KLRG1: variants seen among roughly 807,000 people sequenced by gnomAD.
KLRG1 encodes killer cell lectin like receptor G1.
In KLRG1, 16 loss-of-function variants were observed where a neutral mutation model predicts 21.8. The ratio of observed to expected loss-of-function variants is 0.73; its 90% CI spans 0.50 to 1.11. KLRG1 has a LOEUF of 1.11. Among genes scored for constraint, KLRG1 ranks in the 50% most tolerant of loss-of-function variants. KLRG1 has a pLI of 0.00. For missense variants in KLRG1, 173 were observed against 218.3 expected (o/e 0.79, Z 1.31); for synonymous variants, 69 against 75.9 (o/e 0.91, Z 0.47).
the KLRG1 span, chr12:9,079,822 A>G: frequency 6.3e-7 from 1 of 1,579,462 alleles, no homozygotes; most frequent in Non-Finnish European, 8.6e-7. Flanking sequence ...TCTCCTAGAG[A>G]ATGGGAGAGA....
the KLRG1 span, chr12:9,101,653 G>A: frequency 6.2e-7 from 1 of 1,613,644 alleles, no homozygotes; most frequent in Non-Finnish European, 8.5e-7. Context: ...CCGTAACAGG[G>A]ACTACGATCC....
the KLRG1 span, chr12:9,192,673 G>A: frequency 6.2e-7 from 1 of 1,613,916 alleles, no homozygotes; most frequent in Non-Finnish European, 8.5e-7. Flanking sequence ...GCAGTGTGCT[G>A]AGCACCCTGG....
the KLRG1 span, chr12:9,196,506 G>C: frequency 6.4e-7 from 1 of 1,569,688 alleles, no homozygotes; most frequent in Non-Finnish European, 8.8e-7. Context: ...TCTTACAAAT[G>C]ACCTTTATTT....
chr12:9,171,441 A>G, the KLRG1 span, among the ~76,000 whole-genome samples: 3 of 152,252 alleles, frequency 2.0e-5, no homozygotes, highest in Non-Finnish European at 2.9e-5. Context: ...AAAATGCCAG[A>G]GTGTCTCTTC....
At chr12:9,194,106 T>G in the KLRG1 span, 9 of 1,613,800 alleles carry the variant, frequency 5.6e-6, no homozygotes, top group African/African-American at 1.2e-4. Context: ...ACCGAGATAC[T>G]GGTAGTATTG....
chr12:9,130,022 T>C, the KLRG1 span, among the ~76,000 whole-genome samples: 3 of 152,236 alleles, frequency 2.0e-5, no homozygotes, highest in Admixed American at 2.0e-4. Context: ...CTTCTTTCTG[T>C]TTTTATGAAT....
the KLRG1 span, chr12:9,169,543 C>T: frequency 6.2e-7 from 1 of 1,613,006 alleles, no homozygotes; most frequent in Non-Finnish European, 8.5e-7. Flanking sequence ...TGCTGGTCCA[C>T]ATTGTCAGGA....
chr12:9,065,460 C>T, the KLRG1 span, among the ~76,000 whole-genome samples: 10 of 152,202 alleles, frequency 6.6e-5, no homozygotes, highest in Admixed American at 5.2e-4. Flanking sequence ...AGCCTGGGTA[C>T]TGTCACAGCC....
At chr12:9,017,213 G>A in the KLRG1 span, among the ~76,000 whole-genome samples, 2 of 123,946 alleles carry the variant, frequency 1.6e-5, no homozygotes, top group East Asian at 5.2e-4. Context: ...GCAGTGAGCC[G>A]AGATCATGCC....
At chr12:9,023,390 G>GT in the KLRG1 span, among the ~76,000 whole-genome samples, 3 of 151,672 alleles carry the variant, frequency 2.0e-5, no homozygotes, top group Admixed American at 6.6e-5. Flanking sequence ...AGATTTTGGT[G>GT]TTTTTTTTCC....
chr12:9,094,217 TAAAG>T, the KLRG1 span, among the ~76,000 whole-genome samples: 1 of 151,826 alleles, frequency 6.6e-6, no homozygotes, highest in Non-Finnish European at 1.5e-5. Flanking sequence ...TTAATAATAA[TAAAG>T]ACTTTTTATT....
the KLRG1 span, among the ~76,000 whole-genome samples, chr12:9,207,484 G>T: frequency 6.6e-6 from 1 of 152,192 alleles, no homozygotes; most frequent in African/African-American, 2.4e-5. Flanking sequence ...TAGTATTTGA[G>T]GCAGGATGCA....
At chr12:9,151,876 T>C in the KLRG1 span, among the ~76,000 whole-genome samples, 1 of 152,228 alleles carries the variant, frequency 6.6e-6, no homozygotes, top group Non-Finnish European at 1.5e-5. Context: ...TTAGTTCACG[T>C]TGATTTTTTT....
At chr12:9,067,708 G>T in the KLRG1 span, 2 of 867,702 alleles carry the variant, frequency 2.3e-6, no homozygotes, top group Admixed American at 4.0e-5. Flanking sequence ...AACAGGGAAA[G>T]ACATTGACCA....
chr12:8,961,297 G>A (rs1452321078), intron 1 of KLRG1, among the ~76,000 whole-genome samples: 2 of 152,182 alleles, frequency 1.3e-5, no homozygotes, highest in Non-Finnish European at 2.9e-5. Flanking sequence ...TGTTTGCTCA[G>A]AAGTAGCATA....
the KLRG1 span, among the ~76,000 whole-genome samples, chr12:9,190,423 AGTT>A: frequency 6.6e-6 from 1 of 152,194 alleles, no homozygotes; most frequent in Non-Finnish European, 1.5e-5. Flanking sequence ...CCATGTGCTC[AGTT>A]ATAAGTGGGA....
intron 1 of KLRG1, among the ~76,000 whole-genome samples, chr12:8,984,227 G>T (rs987361793): frequency 1.3e-5 from 2 of 151,866 alleles, no homozygotes; most frequent in Admixed American, 6.6e-5. Flanking sequence ...TATTGAGATG[G>T]AGTCTCGCTC....
the KLRG1 span, among the ~76,000 whole-genome samples, chr12:9,029,813 A>G: frequency 0.23 from 35,389 of 152,124 alleles, 4,833 homozygotes; most frequent in South Asian, 0.32. Flanking sequence ...CTGGAGCGCA[A>G]TGGCATGATC....
chr12:9,185,814 C>CT, the KLRG1 span, among the ~76,000 whole-genome samples: 27 of 147,244 alleles, frequency 1.8e-4, no homozygotes, highest in East Asian at 3.9e-4. Flanking sequence ...CTTTTCTTTT[C>CT]TTTTTTTTTT....
Sources: gnomAD v4.1 joint callset for allele counts (sites outside exome capture counted in the v4.1 genomes callset) on GRCh38, gnomAD v4.1.1 for gene constraint, MANE v1.5 for transcripts, NCBI Gene and HGNC (gene_info 2026-07-23, HGNC 2026-07-21) for gene names.